Variants in CTSC observed in about 807,000 individuals in gnomAD.
CTSC encodes the protein cathepsin C, also known as dipeptidyl peptidase 1.
In CTSC, 37 loss-of-function variants were observed where a neutral mutation model predicts 40.9. The observed-to-expected ratio is 0.91, with a 90% CI of 0.70 to 1.19. The LOEUF (loss-of-function observed/expected upper bound fraction) is 1.19, where lower values mean the gene tolerates loss of function less well. Among genes scored for constraint, CTSC ranks in the 50% most tolerant of loss-of-function variants. The pLI is 0.00. For missense variants in CTSC, 594 were observed against 567.3 expected (o/e 1.05, Z -0.48); for synonymous variants, 232 against 207.4 (o/e 1.12, Z -1.02).
intron 4 of CTSC, among the ~76,000 whole-genome samples, chr11:88,307,626 T>G (rs1437604516): frequency 6.9e-6 from 1 of 143,960 alleles, no homozygotes; most frequent in Non-Finnish European, 1.5e-5. Context: ...TTTTTTTAGG[T>G]GGCAAATTTT....
At chr11:88,317,633 A>AT (rs1937909253) in intron 2 of CTSC, among the ~76,000 whole-genome samples, 1 of 152,034 alleles carries the variant, frequency 6.6e-6, no homozygotes, top group South Asian at 2.1e-4. Context: ...GGGGTATGTC[A>AT]TTTTTTCCTG....
At chr11:88,337,128 A>G (rs1303001900) in intron 1 of CTSC, among the ~76,000 whole-genome samples, 1 of 152,170 alleles carries the variant, frequency 6.6e-6, no homozygotes, top group Admixed American at 6.5e-5. Flanking sequence ...CTTCACTAGT[A>G]AAATAGTAAT....
intron 2 of CTSC, among the ~76,000 whole-genome samples, chr11:88,316,988 A>G (rs1937894717): frequency 6.6e-6 from 1 of 150,694 alleles, no homozygotes. Flanking sequence ...TTTTTTCAAG[A>G]TGGAGTCTTG....
At chr11:88,332,772 T>C (rs566624383) in intron 2 of CTSC, among the ~76,000 whole-genome samples, 2 of 152,298 alleles carry the variant, frequency 1.3e-5, no homozygotes, top group South Asian at 4.1e-4. Context: ...CACTTTAAAA[T>C]AGACATATCC....
chr11:88,326,359 C>T (rs770297442), intron 2 of CTSC: 7 of 1,613,746 alleles, frequency 4.3e-6, no homozygotes, highest in Admixed American at 1.7e-5. Context: ...TCCACACTGT[C>T]GCAGGCTGCT....
intron 2 of CTSC, among the ~76,000 whole-genome samples, chr11:88,317,801 TTTAAG>T (rs1937913309): frequency 1.3e-5 from 2 of 152,210 alleles, no homozygotes; most frequent in Admixed American, 1.3e-4. Flanking sequence ...GATGAGATAA[TTTAAG>T]TTTCCATTCA....
chr11:88,330,831 G>A lies in CTSC; in HGVS notation c.318+4106C>T, dbSNP rs532725824. ...AGCTGTTAAAACCAAGTTTTAAAAT[G>A]GCTTAGAAATCTCAAATCATAAAAA... On this transcript the variant is annotated intron_variant, in intron 2 of 6. Transcript: ENST00000227266. Among the ~76,000 whole-genome samples, 3 of 152,154 alleles carry A rather than the reference G, an allele frequency of 2.0e-5. No homozygotes were observed. The South Asian group carries it at 6.2e-4, about 32-fold the overall frequency.
At chr11:88,327,489 T>C (rs769028609) in intron 2 of CTSC, among the ~76,000 whole-genome samples, 10 of 152,212 alleles carry the variant, frequency 6.6e-5, no homozygotes, top group Non-Finnish European at 1.2e-4. Context: ...TTTAGACATT[T>C]ATGGATCCAG....
intron 2 of CTSC, among the ~76,000 whole-genome samples, chr11:88,329,587 C>T (rs1938293145): frequency 6.6e-6 from 1 of 150,752 alleles, no homozygotes; most frequent in Non-Finnish European, 1.5e-5. Context: ...GAGCTTTATA[C>T]ATGATCATCA....
At chr11:88,314,270 A>G (rs1937829064) in intron 2 of CTSC, among the ~76,000 whole-genome samples, 1 of 152,226 alleles carries the variant, frequency 6.6e-6, no homozygotes, top group African/African-American at 2.4e-5. Context: ...TTACTTACAA[A>G]AAGAGGTTTG....
In CTSC at chr11:88,296,420, T is replaced by C. The variant is rs994784039; in HGVS notation, c.758-156A>G. ...AAGAAGACTCAACTAACAAGCATTG[T>C]TGAGCTTATTAAGGCAATCATTAAG... is the stretch of plus-strand genomic sequence containing the variant. On this transcript the variant is annotated intron_variant, in intron 5 of 6. Transcript: ENST00000227266. 3.8e-5 allele frequency: 32 copies of C among 845,876 alleles called. No homozygotes were observed. In the Admixed American group the frequency reaches 6.4e-4, roughly 17 times the overall value. 52.4% of individuals were successfully genotyped at this position (845,876 alleles called of 1,614,324 possible).
intron 2 of CTSC, chr11:88,323,415 GC>G (rs146634761): frequency 0.05 from 7,580 of 152,154 alleles, 231 homozygotes; most frequent in East Asian, 0.1. Context: ...GGGAGTTCTG[GC>G]CAGGGCAATC....
chr11:88,308,776 T>C (rs1024351150), intron 4 of CTSC, among the ~76,000 whole-genome samples: 3 of 151,862 alleles, frequency 2.0e-5, no homozygotes, highest in Non-Finnish European at 2.9e-5. Context: ...CCACGTGGCA[T>C]GGCCAGCCTA....
rs34876841 is a variant in CTSC at position 88,309,217 on chromosome 11, A to G, written c.587T>C (p.Leu196Pro). Residue 196 changes from leucine to proline, a missense_variant, in exon 4 of 7, where the codon CTT (leucine) becomes CCT (proline). Leu to Pro is a moderately conservative substitution (Grantham distance 98). Coordinates refer to ENST00000227266, the MANE Select transcript of CTSC (RefSeq NM_001814.6). Reference protein sequence around the residue: ...TATTYMEYETLTLGDMIRRSG... With the variant: ...TATTYMEYETPTLGDMIRRSG... ...TCTCCTAATCATATCTCCCAGGGTA[A>G]GAGTCTCATATTCCATGTATGTAGT... 22 of 1,613,854 alleles carry G rather than the reference A, an allele frequency of 1.4e-5. No homozygotes were observed. The highest frequency in any genetic ancestry group is 1.3e-4 in the African/African-American group (10 of 74,920).
At chr11:88,312,307 C>T in intron 3 of CTSC, 81 bp downstream of exon 3, 2 of 1,404,650 alleles carry the variant, frequency 1.4e-6, no homozygotes, top group Non-Finnish European at 2.0e-6. Context: ...TATAATCAAA[C>T]TAAAATTCCA....
At chr11:88,295,180 T>G (rs1944284550) in intron 6 of CTSC, among the ~76,000 whole-genome samples, 1 of 152,204 alleles carries the variant, frequency 6.6e-6, no homozygotes, top group Admixed American at 6.5e-5. Flanking sequence ...TCACAACTAG[T>G]AGTACATATT....
intron 3 of CTSC, among the ~76,000 whole-genome samples, chr11:88,309,809 TGC>T (rs371896864): frequency 0.092 from 11,567 of 125,326 alleles, 522 homozygotes; most frequent in Non-Finnish European, 0.13. Flanking sequence ...TATATATGTA[TGC>T]GCGCACACAC....
At chr11:88,329,550 A>C (rs962110576) in intron 2 of CTSC, among the ~76,000 whole-genome samples, 1 of 151,232 alleles carries the variant, frequency 6.6e-6, no homozygotes, top group Non-Finnish European at 1.5e-5. Flanking sequence ...TCTCTGGGCA[A>C]TTTGGTGGAG....
At chr11:88,313,457 A>G (rs1372147465) in intron 2 of CTSC, among the ~76,000 whole-genome samples, 3 of 152,192 alleles carry the variant, frequency 2.0e-5, no homozygotes, top group Non-Finnish European at 2.9e-5. Context: ...TATTCTTTAC[A>G]CTTTATTTCA....
Sources: allele counts gnomAD v4.1 joint callset (sites outside exome capture counted in the v4.1 genomes callset), GRCh38; gene constraint gnomAD v4.1.1; transcripts MANE v1.5; gene names NCBI Gene and HGNC (gene_info 2026-07-23, HGNC 2026-07-21).